The following EYS variants were observed in gnomAD, a reference collection of about 807,000 sequenced individuals.
The protein encoded by EYS is EGF-like photoreceptor maintenance factor.
A neutral mutation model predicts 282.1 loss-of-function variants in EYS; 250 were observed. That is an observed-to-expected ratio of 0.89 (90% CI 0.80 to 0.98). The LOEUF is 0.98. EYS is among the 50% of genes least tolerant of loss of function. The pLI, the probability that EYS is intolerant of heterozygous loss-of-function variation, is 0.00. For synonymous variants in EYS, 1,355 were observed against 1,282.9 expected (o/e 1.06, Z -1.20); for missense variants, 4,016 against 3,709.0 (o/e 1.08, Z -2.15).
chr6:65,037,798 A>G (rs1772813985), intron 13 of EYS, among the ~76,000 whole-genome samples: 1 of 151,690 alleles, frequency 6.6e-6, no homozygotes, highest in Non-Finnish European at 1.5e-5. Flanking sequence ...TTATCCAATC[A>G]TCCAAAGTGT....
At chr6:64,952,807 A>T (rs938329282) in intron 14 of EYS, among the ~76,000 whole-genome samples, 1 of 152,000 alleles carries the variant, frequency 6.6e-6, no homozygotes, top group East Asian at 1.9e-4. Context: ...TATCTTAATT[A>T]TATTATTGCG....
At chr6:65,267,007 G>A (rs928124358) in intron 12 of EYS, among the ~76,000 whole-genome samples, 2 of 150,190 alleles carry the variant, frequency 1.3e-5, no homozygotes, top group African/African-American at 4.9e-5. Context: ...GAGAGAGAGA[G>A]AGATCACACA....
intron 22 of EYS, among the ~76,000 whole-genome samples, chr6:64,746,471 A>T (rs1206255702): frequency 6.6e-6 from 1 of 152,146 alleles, no homozygotes; most frequent in Non-Finnish European, 1.5e-5. Context: ...TTAAAAAAAT[A>T]ACGCATCTGT....
intron 11 of EYS, among the ~76,000 whole-genome samples, chr6:65,317,462 TA>T (rs1769323819): frequency 6.6e-6 from 1 of 152,238 alleles, no homozygotes; most frequent in African/African-American, 2.4e-5. Flanking sequence ...TTTGTTTTCC[TA>T]TTGTTACGGT....
intron 26 of EYS, among the ~76,000 whole-genome samples, chr6:64,506,919 A>AAAAAAAAAAAAAG (rs1175880683): frequency 1.4e-5 from 2 of 139,872 alleles, no homozygotes; most frequent in East Asian, 3.9e-4. Flanking sequence ...AAAAAAAAAA[A>AAAAAAAAAAAAAG]AAAAAACTGA....
chr6:64,786,622 G>A (rs548526646), intron 22 of EYS, among the ~76,000 whole-genome samples: 1 of 152,130 alleles, frequency 6.6e-6, no homozygotes, highest in South Asian at 2.1e-4. Context: ...GTCCCCACTG[G>A]GTCATATTAG....
intron 23 of EYS, among the ~76,000 whole-genome samples, chr6:64,619,204 T>A (rs1767369494): frequency 6.6e-6 from 1 of 152,198 alleles, no homozygotes; most frequent in Admixed American, 6.5e-5. Context: ...TTTTATATAT[T>A]GTATCCTCTT....
intron 1 of EYS, among the ~76,000 whole-genome samples, chr6:65,698,858 T>G (rs1470519943): frequency 6.6e-6 from 1 of 152,160 alleles, no homozygotes; most frequent in Non-Finnish European, 1.5e-5. Flanking sequence ...ATGGATTGTT[T>G]CACCATAAGA....
chr6:64,340,309 G>A (rs1310219132), intron 29 of EYS, among the ~76,000 whole-genome samples: 1 of 151,710 alleles, frequency 6.6e-6, no homozygotes, highest in African/African-American at 2.4e-5. Context: ...CACACTACCT[G>A]ACTTCAAACT....
intron 28 of EYS, among the ~76,000 whole-genome samples, chr6:64,428,589 G>A (rs1239439831): frequency 6.6e-6 from 1 of 152,076 alleles, no homozygotes; most frequent in Non-Finnish European, 1.5e-5. Flanking sequence ...CCTATACTAT[G>A]ATATGCTAAT....
intron 14 of EYS, among the ~76,000 whole-genome samples, chr6:64,955,571 T>C (rs1366796463): frequency 6.6e-6 from 1 of 152,146 alleles, no homozygotes; most frequent in Non-Finnish European, 1.5e-5. Context: ...AGGGATTTAT[T>C]GTGCAAGCAC....
chr6:65,448,184 T>C (rs1764264221), intron 5 of EYS, among the ~76,000 whole-genome samples: 1 of 152,022 alleles, frequency 6.6e-6, no homozygotes, highest in Admixed American at 6.6e-5. Flanking sequence ...AACTCACCCA[T>C]TTCTCCCATC....
chr6:63,914,063 T>G (rs776957810), intron 35 of EYS, among the ~76,000 whole-genome samples: 1 of 152,172 alleles, frequency 6.6e-6, no homozygotes, highest in Non-Finnish European at 1.5e-5. Flanking sequence ...CTATATAAGA[T>G]GGTGAACTTA....
intron 36 of EYS, among the ~76,000 whole-genome samples, chr6:63,838,530 G>A (rs896131773): frequency 8.5e-5 from 13 of 152,152 alleles, no homozygotes; most frequent in African/African-American, 2.2e-4. Context: ...CCCTGTATAT[G>A]TGGTGATAAG....
chr6:64,176,069 A>C (rs1764624710), intron 31 of EYS, among the ~76,000 whole-genome samples: 1 of 152,110 alleles, frequency 6.6e-6, no homozygotes, highest in South Asian at 2.1e-4. Context: ...TGAGAAGGTG[A>C]CATTAGAGTA....
At chr6:65,227,396 C>T (rs1484581967) in intron 12 of EYS, among the ~76,000 whole-genome samples, 1 of 151,908 alleles carries the variant, frequency 6.6e-6, no homozygotes, top group Non-Finnish European at 1.5e-5. Flanking sequence ...ATTAGGAGGG[C>T]TATTATTTAA....
chr6:65,046,530 C>T (rs752702414), intron 13 of EYS, among the ~76,000 whole-genome samples: 29 of 151,758 alleles, frequency 1.9e-4, no homozygotes, highest in Non-Finnish European at 3.5e-4. Flanking sequence ...ATTCATGTTT[C>T]ATATGGTCAA....
intron 14 of EYS, among the ~76,000 whole-genome samples, chr6:64,960,961 T>C (rs1769892444): frequency 6.6e-6 from 1 of 152,174 alleles, no homozygotes. Context: ...TCCAGCTCCA[T>C]CCATATCCCT....
At chr6:64,310,073 A>C (rs372999463) in intron 29 of EYS, among the ~76,000 whole-genome samples, 6 of 128,412 alleles carry the variant, frequency 4.7e-5, no homozygotes, top group Non-Finnish European at 6.7e-5. Context: ...AAAAAATAAA[A>C]AAAAAAATAA....
Sources: gnomAD v4.1 joint callset for allele counts (sites outside exome capture counted in the v4.1 genomes callset) on GRCh38, gnomAD v4.1.1 for gene constraint, MANE v1.5 for transcripts, NCBI Gene and HGNC (gene_info 2026-07-23, HGNC 2026-07-21) for gene names.